BDNF: variants seen among roughly 807,000 people sequenced by gnomAD.
BDNF encodes the protein neurotrophic factor BDNF precursor form.
BDNF carries 1 observed loss-of-function variant against 19.5 expected under a neutral mutation model. That is an observed-to-expected ratio of 0.05 (90% CI 0.02 to 0.24). The LOEUF (loss-of-function observed/expected upper bound fraction) is 0.24, where lower values mean the gene tolerates loss of function less well. BDNF is among the 10% of genes least tolerant of loss of function. BDNF has a pLI of 1.00. For missense variants in BDNF, 195 were observed against 317.6 expected (o/e 0.61, Z 2.93); for synonymous variants, 100 against 121.6 (o/e 0.82, Z 1.17).
chr11:27,719,372 C>T (rs1860659705), intron 1 of BDNF: 1 of 765,358 alleles, frequency 1.3e-6, no homozygotes, highest in East Asian at 1.3e-4. Flanking sequence ...CCGCACGGAG[C>T]TAAAAGTGTT....
intron 1 of BDNF, among the ~76,000 whole-genome samples, chr11:27,665,702 C>G (rs1004611208): frequency 6.6e-6 from 1 of 152,180 alleles, no homozygotes; most frequent in African/African-American, 2.4e-5. Flanking sequence ...AACTGCAAAG[C>G]AGCAGCGAGG....
At chr11:27,659,773 C>T in intron 1 of BDNF, 1 of 728,406 alleles carries the variant, frequency 1.4e-6, no homozygotes. Flanking sequence ...TGGGAAGTCC[C>T]TTAAAAGCAT....
intron 1 of BDNF, chr11:27,696,521 A>C (rs554563400): frequency 2.6e-5 from 4 of 152,306 alleles, no homozygotes; most frequent in African/African-American, 9.6e-5. Context: ...AGCACTTAAA[A>C]CCTAGAATTC....
At chr11:27,670,841 C>T (rs895322940) in intron 1 of BDNF, among the ~76,000 whole-genome samples, 3 of 152,164 alleles carry the variant, frequency 2.0e-5, no homozygotes, top group African/African-American at 7.2e-5. Context: ...TTGTGGAAGA[C>T]AGTGTGGCGA....
chr11:27,699,721 C>T, intron 1 of BDNF: 1 of 1,375,006 alleles, frequency 7.3e-7, no homozygotes, highest in South Asian at 1.6e-5. Flanking sequence ...TCCCACTCCC[C>T]CCGCAAGTCG....
chr11:27,662,315 A>C (rs1317490941), intron 1 of BDNF, among the ~76,000 whole-genome samples: 1 of 152,248 alleles, frequency 6.6e-6, no homozygotes, highest in Non-Finnish European at 1.5e-5. Context: ...CTGAGCCCCC[A>C]TAATGCTTAA....
intron 1 of BDNF, among the ~76,000 whole-genome samples, chr11:27,669,931 A>T (rs1276505579): frequency 6.6e-6 from 1 of 152,224 alleles, no homozygotes; most frequent in Non-Finnish European, 1.5e-5. Flanking sequence ...ATGGAACCAA[A>T]AAAGAGCCCG....
At chr11:27,706,063 G>T (rs952501960) in intron 1 of BDNF, among the ~76,000 whole-genome samples, 1 of 152,144 alleles carries the variant, frequency 6.6e-6, no homozygotes, top group African/African-American at 2.4e-5. Context: ...AGTGGCCAGG[G>T]GGTGGTAGTG....
In BDNF at chr11:27,656,677, T is replaced by C. The variant is rs745560630; in HGVS notation, c.*1144A>G. 3.2e-5 allele frequency: 32 copies of C among 985,688 alleles called. No homozygotes were observed. The highest frequency in any genetic ancestry group is 3.9e-5 in the Non-Finnish European group (32 of 829,926). 61.1% of individuals were successfully genotyped at this position (985,688 alleles called of 1,614,324 possible). A position where few individuals can be genotyped will look rare whatever the true frequency, so the allele number is the denominator to read the frequency against. Reference sequence around the variant, plus strand: ...AGGTGTTTCTGGGTTGATACAGGGCTCTACCTTTTGCTTACAAGACATTGT... The same window carrying C: ...AGGTGTTTCTGGGTTGATACAGGGCCCTACCTTTTGCTTACAAGACATTGT... On this transcript the variant is annotated 3_prime_UTR_variant, in exon 2 of 2. Transcript: ENST00000356660.
chr11:27,675,550 G>T (rs571516256), intron 1 of BDNF: 10 of 152,146 alleles, frequency 6.6e-5, no homozygotes, highest in Admixed American at 5.2e-4. Flanking sequence ...AAAAAAAATC[G>T]TGGTGACACA....
At chr11:27,699,404 A>G (rs1248491029) in intron 1 of BDNF, 2 of 1,613,936 alleles carry the variant, frequency 1.2e-6, no homozygotes, top group African/African-American at 1.3e-5. Flanking sequence ...CCGGCTCTGC[A>G]TCCCCAGAGA....
At chr11:27,719,259 G>A (rs955408665) in intron 1 of BDNF, among the ~76,000 whole-genome samples, 1 of 152,194 alleles carries the variant, frequency 6.6e-6, no homozygotes, top group Non-Finnish European at 1.5e-5. Flanking sequence ...TGGCGGCGGC[G>A]GCTCAGCGAC....
At chr11:27,720,032 C>T (rs989793171) in intron 1 of BDNF, among the ~76,000 whole-genome samples, 2 of 151,948 alleles carry the variant, frequency 1.3e-5, no homozygotes, top group Admixed American at 6.5e-5. Flanking sequence ...CACACACACA[C>T]CAGCAAAGAG....
At chr11:27,717,555 C>T (rs1860562542) in intron 1 of BDNF, among the ~76,000 whole-genome samples, 1 of 152,170 alleles carries the variant, frequency 6.6e-6, no homozygotes, top group Non-Finnish European at 1.5e-5. Flanking sequence ...GGGAGCTAGA[C>T]CAAGCTAAAA....
At chr11:27,659,644 T>TGTGTGTGCGCGCGCGC (rs1554932423) in intron 1 of BDNF, 17 of 997,806 alleles carry the variant, frequency 1.7e-5, no homozygotes, top group South Asian at 9.5e-5. Context: ...TGTGTGTGTG[T>TGTGTGTGCGCGCGCGC]GTGTGCGCGC....
intron 1 of BDNF, among the ~76,000 whole-genome samples, chr11:27,686,572 A>C (rs886531279): frequency 3.3e-5 from 5 of 151,848 alleles, no homozygotes; most frequent in African/African-American, 9.7e-5. Flanking sequence ...TTCCTTCAGG[A>C]GCTCTTGTAA....
At chr11:27,659,056 G>C (rs1289181428) in intron 1 of BDNF, 1 of 1,036,256 alleles carries the variant, frequency 9.7e-7, no homozygotes, top group African/African-American at 1.7e-5. Context: ...GTGGCCTGAG[G>C]GGTCTGATGG....
At chr11:27,661,032 C>G (rs1018865976) in intron 1 of BDNF, among the ~76,000 whole-genome samples, 1 of 152,144 alleles carries the variant, frequency 6.6e-6, no homozygotes, top group African/African-American at 2.4e-5. Context: ...ATATTGTTCT[C>G]TCAGTTCCAT....
intron 1 of BDNF, among the ~76,000 whole-genome samples, chr11:27,670,093 G>A (rs1325671306): frequency 6.8e-6 from 1 of 147,324 alleles, no homozygotes; most frequent in Non-Finnish European, 1.5e-5. Context: ...AGAGCCCTCA[G>A]AAACAATACC....
Sources: allele counts gnomAD v4.1 joint callset (sites outside exome capture counted in the v4.1 genomes callset), GRCh38; gene constraint gnomAD v4.1.1; transcripts MANE v1.5; gene names NCBI Gene and HGNC (gene_info 2026-07-23, HGNC 2026-07-21).